Variants in PTPRD observed in about 807,000 individuals in gnomAD.
PTPRD encodes receptor-type tyrosine-protein phosphatase delta.
PTPRD carries 34 observed loss-of-function variants against 214.5 expected under a neutral mutation model. The ratio of observed to expected loss-of-function variants is 0.16; its 90% confidence interval spans 0.12 to 0.21. The LOEUF is 0.21. Ranked by LOEUF, PTPRD falls within the 10% of genes least tolerant of loss-of-function variation. The pLI, the probability that PTPRD is intolerant of heterozygous loss-of-function variation, is 1.00. For missense variants in PTPRD, 2,545 were observed against 2,398.7 expected (o/e 1.06, Z -1.27); for synonymous variants, 1,128 against 845.7 (o/e 1.33, Z -5.79).
At chr9:8,780,784 A>C (rs1041015216) in intron 11 of PTPRD, among the ~76,000 whole-genome samples, 3 of 152,232 alleles carry the variant, frequency 2.0e-5, no homozygotes, top group Non-Finnish European at 4.4e-5. Flanking sequence ...AGTCATCCTT[A>C]AACCCCAGTT....
intron 11 of PTPRD, among the ~76,000 whole-genome samples, chr9:8,764,460 G>A (rs1175015406): frequency 6.6e-6 from 1 of 152,064 alleles, no homozygotes; most frequent in African/African-American, 2.4e-5. Flanking sequence ...AGGGATCATG[G>A]ATCTGACACT....
intron 35 of PTPRD, among the ~76,000 whole-genome samples, chr9:8,417,759 T>C (rs919637618): frequency 7.2e-5 from 11 of 152,126 alleles, no homozygotes; most frequent in African/African-American, 2.4e-4. Context: ...GGCATATTTA[T>C]ACTAAGGGGA....
chr9:10,392,273 G>A (rs1010943681), intron 2 of PTPRD, among the ~76,000 whole-genome samples: 2 of 151,902 alleles, frequency 1.3e-5, no homozygotes, highest in African/African-American at 4.8e-5. Flanking sequence ...TGAGGATCAG[G>A]TTGATTCTAT....
intron 11 of PTPRD, among the ~76,000 whole-genome samples, chr9:9,008,205 TTTTATTTATTTA>T (rs71317392): frequency 9.1e-5 from 11 of 121,220 alleles, no homozygotes; most frequent in African/African-American, 3.0e-4. Flanking sequence ...CTCCCCTTCA[TTTTATTTATTTA>T]TTTATTTATT....
rs894684085 is a variant in PTPRD, at chr9:10,532,623, TTATATATATTAGATATTTCTAA to T, written c.-600+79753_-600+79774del. ...TATAAATCCTATATATATTAGATAT[TTATATATATTAGATATTTCTAA>T]TATATATATTAGATATTTCTTTAAA... On this transcript the variant is annotated intron_variant, in intron 2 of 45. Transcript: ENST00000381196. Among the ~76,000 whole-genome samples, 50 of 147,686 alleles carry T rather than the reference TTATATATATTAGATATTTCTAA, an allele frequency of 3.4e-4. No homozygotes were observed. The East Asian group carries it at 4.1e-3, about 12-fold the overall frequency.
intron 8 of PTPRD, among the ~76,000 whole-genome samples, chr9:9,419,884 T>C (rs2078157812): frequency 6.6e-6 from 1 of 151,736 alleles, no homozygotes; most frequent in Non-Finnish European, 1.5e-5. Context: ...ATATAAAGCA[T>C]TTTGCTTTAT....
intron 11 of PTPRD, among the ~76,000 whole-genome samples, chr9:8,855,579 T>C (rs1184933578): frequency 6.6e-6 from 1 of 152,148 alleles, no homozygotes; most frequent in Admixed American, 6.5e-5. Flanking sequence ...TTGAATCTTA[T>C]TCCTATTATA....
chr9:9,215,033 T>C (rs2099951251), intron 9 of PTPRD, among the ~76,000 whole-genome samples: 1 of 152,234 alleles, frequency 6.6e-6, no homozygotes, highest in African/African-American at 2.4e-5. Context: ...TTTGTTCAAA[T>C]GCAGTGCTAC....
At chr9:8,413,300 G>A (rs2093668240) in intron 35 of PTPRD, among the ~76,000 whole-genome samples, 1 of 152,120 alleles carries the variant, frequency 6.6e-6, no homozygotes, top group East Asian at 1.9e-4. Context: ...GGGAACAGAT[G>A]AATTTCTAAA....
chr9:10,242,283 T>C (rs1484698439), intron 3 of PTPRD, among the ~76,000 whole-genome samples: 7 of 152,010 alleles, frequency 4.6e-5, no homozygotes, highest in Admixed American at 4.6e-4. Flanking sequence ...TTTTTCTTTG[T>C]TTTATTTCTT....
intron 10 of PTPRD, among the ~76,000 whole-genome samples, chr9:9,156,582 A>G (rs2099881374): frequency 6.6e-6 from 1 of 152,158 alleles, no homozygotes. Context: ...CCAAGAGATT[A>G]TGTATAAATA....
Position 8,524,960 on chromosome 9 carries a change from G to C in PTPRD, c.644C>G (p.Thr215Ser), listed in dbSNP as rs1203493671. ...TAAATTGGCAGGAGCGGAATAGCGA[G>C]TGCCCGCGCTGTTGGTGGCAACACA... is the stretch of plus-strand genomic sequence containing the variant. ...YECVATNSAG[T>S]RYSAPANLYV... is the part of the protein sequence containing the mutation. Residue 215 changes from threonine to serine, a missense_variant, in exon 18 of 46, where the codon ACT becomes AGT. Coordinates refer to ENST00000381196, the MANE Select transcript of PTPRD (RefSeq NM_002839.4). The C allele has an allele frequency of 6.2e-7, 1 of 1,613,680 alleles. No homozygotes were observed. Among genetic ancestry groups the C allele is most frequent in the Non-Finnish European group, 8.5e-7 (1 of 1,179,706 alleles).
At chr9:9,351,429 G>A (rs113761859) in intron 9 of PTPRD, among the ~76,000 whole-genome samples, 7 of 152,128 alleles carry the variant, frequency 4.6e-5, no homozygotes, top group African/African-American at 1.2e-4. Flanking sequence ...ACTTGGGAAT[G>A]AGAACAAATA....
chr9:9,235,390 G>C (rs2099965936), intron 9 of PTPRD, among the ~76,000 whole-genome samples: 1 of 152,086 alleles, frequency 6.6e-6, no homozygotes, highest in Non-Finnish European at 1.5e-5. Context: ...GGGGCTTTCT[G>C]GATTATTACC....
chr9:10,395,665 C>G (rs1246519588), intron 2 of PTPRD, among the ~76,000 whole-genome samples: 2 of 151,864 alleles, frequency 1.3e-5, no homozygotes, highest in South Asian at 4.1e-4. Flanking sequence ...ATTCACCTCT[C>G]AGGGCCAAAT....
chr9:9,362,275 TAGC>T (rs1479512959), intron 9 of PTPRD, among the ~76,000 whole-genome samples: 1 of 151,198 alleles, frequency 6.6e-6, no homozygotes, highest in Non-Finnish European at 1.5e-5. Context: ...TGAGAAATAG[TAGC>T]AGATTCTCCC....
At chr9:10,000,742 G>A (rs2096286716) in intron 4 of PTPRD, among the ~76,000 whole-genome samples, 1 of 152,218 alleles carries the variant, frequency 6.6e-6, no homozygotes, top group African/African-American at 2.4e-5. Context: ...TAATGCTGGT[G>A]ATTAGAAACT....
intron 10 of PTPRD, among the ~76,000 whole-genome samples, chr9:9,099,272 G>A (rs1420891188): frequency 6.6e-6 from 1 of 152,070 alleles, no homozygotes; most frequent in Non-Finnish European, 1.5e-5. Context: ...TTGGGTGCTG[G>A]TTCATAATTA....
At chr9:8,759,280 G>T (rs2094244934) in intron 11 of PTPRD, among the ~76,000 whole-genome samples, 1 of 152,046 alleles carries the variant, frequency 6.6e-6, no homozygotes, top group South Asian at 2.1e-4. Flanking sequence ...TTGAACTCCT[G>T]GCCTCAAGTG....
Sources: gnomAD v4.1 joint callset for allele counts (sites outside exome capture counted in the v4.1 genomes callset) on GRCh38, gnomAD v4.1.1 for gene constraint, MANE v1.5 for transcripts, NCBI Gene and HGNC (gene_info 2026-07-23, HGNC 2026-07-21) for gene names.